Variants in PDGFRL observed in about 807,000 individuals in gnomAD.
PDGFRL encodes the protein platelet derived growth factor receptor like, also known as platelet-derived growth factor receptor-like protein.
Under a neutral mutation model 37.2 loss-of-function variants are expected in PDGFRL, and 46 were observed. The observed-to-expected ratio is 1.24, with a 90% CI of 0.98 to 1.58. The LOEUF is 1.58. PDGFRL is among the 40% of genes most tolerant of loss of function. The pLI, the probability that PDGFRL is intolerant of heterozygous loss-of-function variation, is 0.00. For synonymous variants in PDGFRL, 251 were observed against 184.3 expected (o/e 1.36, Z -2.93); for missense variants, 692 against 467.6 (o/e 1.48, Z -4.43).
intron 2 of PDGFRL, among the ~76,000 whole-genome samples, chr8:17,591,399 C>T (rs900665957): frequency 2.0e-5 from 3 of 152,122 alleles, no homozygotes; most frequent in Non-Finnish European, 4.4e-5. Context: ...AGCATGGGCT[C>T]TGCGTCAGGG....
intron 4 of PDGFRL, among the ~76,000 whole-genome samples, chr8:17,632,419 C>T (rs1585334209): frequency 2.6e-5 from 4 of 151,996 alleles, no homozygotes; most frequent in Admixed American, 1.3e-4. Context: ...CGGCTCACTG[C>T]AACCTCCACC....
intron 2 of PDGFRL, among the ~76,000 whole-genome samples, chr8:17,613,939 C>T (rs1324127053): frequency 6.6e-6 from 1 of 152,096 alleles, no homozygotes; most frequent in East Asian, 1.9e-4. Flanking sequence ...GTAGAGAGAC[C>T]TGAGCCACAT....
At chr8:17,622,054 T>C (rs1804646857) in intron 3 of PDGFRL, among the ~76,000 whole-genome samples, 1 of 152,216 alleles carries the variant, frequency 6.6e-6, no homozygotes, top group Admixed American at 6.5e-5. Flanking sequence ...CTCCAGTCCC[T>C]GTCCCTAAGC....
chr8:17,609,634 T>TAAAAAAAAAAA (rs3040922), intron 2 of PDGFRL, among the ~76,000 whole-genome samples: 2 of 43,544 alleles, frequency 4.6e-5, no homozygotes, highest in Admixed American at 4.5e-4. Context: ...TGAGACTCTG[T>TAAAAAAAAAAA]AAAAAAAAAA....
rs12682097 is a variant in PDGFRL, at chr8:17,623,522, C to G, written c.505+2320C>G. Among the ~76,000 whole-genome samples, 34 of 152,262 alleles carry G rather than the reference C, an allele frequency of 2.2e-4. No homozygotes were observed. In the East Asian group the frequency reaches 5.8e-3, roughly 26 times the overall value. On this transcript the variant is annotated intron_variant, in intron 3 of 5. Transcript: ENST00000251630. ...CAAGATTAGCACTGTTGTGTCTTCCCAAAGTATTGGTCGAGGTTTTGAACT... is the reference window on the plus strand; with the variant it reads ...CAAGATTAGCACTGTTGTGTCTTCCGAAAGTATTGGTCGAGGTTTTGAACT...
intron 5 of PDGFRL, among the ~76,000 whole-genome samples, chr8:17,640,737 G>A (rs6980587): frequency 0.81 from 122,567 of 151,984 alleles, 50,702 homozygotes; most frequent in Non-Finnish European, 0.91. Context: ...TATTGCACTA[G>A]TTTTGTGTTG....
intron 4 of PDGFRL, among the ~76,000 whole-genome samples, chr8:17,632,495 GC>G (rs1444440234): frequency 2.6e-5 from 4 of 152,032 alleles, no homozygotes; most frequent in Non-Finnish European, 5.9e-5. Flanking sequence ...GCGCCACCAT[GC>G]CCAGCTAATT....
intron 2 of PDGFRL, among the ~76,000 whole-genome samples, chr8:17,592,269 C>T (rs1470068930): frequency 6.6e-6 from 1 of 152,254 alleles, no homozygotes; most frequent in African/African-American, 2.4e-5. Context: ...GTTCCCTCTT[C>T]ATAGCACTTG....
intron 3 of PDGFRL, among the ~76,000 whole-genome samples, chr8:17,624,103 T>C (rs28548455): frequency 0.089 from 13,588 of 152,134 alleles, 1,778 homozygotes; most frequent in African/African-American, 0.29. Flanking sequence ...GTTGGATTTT[T>C]ACTATAGGGT....
intron 2 of PDGFRL, among the ~76,000 whole-genome samples, chr8:17,609,636 A>T (rs1804362400): frequency 1.6e-5 from 1 of 61,160 alleles, no homozygotes; most frequent in Admixed American, 1.4e-4. Flanking sequence ...AGACTCTGTA[A>T]AAAAAAAAAA....
intron 2 of PDGFRL, among the ~76,000 whole-genome samples, chr8:17,618,645 C>T (rs1173858166): frequency 6.6e-6 from 1 of 152,172 alleles, no homozygotes; most frequent in Non-Finnish European, 1.5e-5. Flanking sequence ...CAGTTTTCCC[C>T]CTCTGCAAAA....
chr8:17,631,011 C>A (rs1029638368), intron 4 of PDGFRL, among the ~76,000 whole-genome samples: 31 of 152,070 alleles, frequency 2.0e-4, no homozygotes, highest in African/African-American at 6.8e-4. Context: ...CCAGAACATA[C>A]AGTGGAGACA....
chr8:17,627,989 C>CTTTTTTTTTTTTTT (rs35707610), intron 3 of PDGFRL, among the ~76,000 whole-genome samples: 19 of 89,248 alleles, frequency 2.1e-4, no homozygotes, highest in Admixed American at 4.2e-4. Context: ...TTCTTTCTTT[C>CTTTTTTTTTTTTTT]TTTTTTTTTT....
intron 5 of PDGFRL, among the ~76,000 whole-genome samples, chr8:17,641,021 C>T (rs546531512): frequency 6.6e-6 from 1 of 152,142 alleles, no homozygotes; most frequent in East Asian, 1.9e-4. Context: ...TATGGCTGCT[C>T]TGCTGTGTCA....
At chr8:17,600,352 A>G (rs974142242) in intron 2 of PDGFRL, among the ~76,000 whole-genome samples, 3 of 152,022 alleles carry the variant, frequency 2.0e-5, no homozygotes, top group Non-Finnish European at 2.9e-5. Flanking sequence ...CCTCTTCACC[A>G]GCTCTGAATC....
At chr8:17,592,842 C>A (rs1803969050) in intron 2 of PDGFRL, among the ~76,000 whole-genome samples, 1 of 151,920 alleles carries the variant, frequency 6.6e-6, no homozygotes, top group South Asian at 2.1e-4. Flanking sequence ...GAGTGGTTGG[C>A]GGTTAGCTTT....
At chr8:17,631,045 C>T (rs1439540340) in intron 4 of PDGFRL, among the ~76,000 whole-genome samples, 2 of 152,088 alleles carry the variant, frequency 1.3e-5, no homozygotes, top group Non-Finnish European at 1.5e-5. Context: ...CTTTACTTCT[C>T]GAAGTCCCCC....
chr8:17,586,896 G>C (rs1345251578), intron 1 of PDGFRL, among the ~76,000 whole-genome samples: 2 of 152,164 alleles, frequency 1.3e-5, no homozygotes, highest in African/African-American at 4.8e-5. Flanking sequence ...AATGGTTCTT[G>C]AATTTTGCCA....
chr8:17,599,798 G>C (rs1464060221), intron 2 of PDGFRL, among the ~76,000 whole-genome samples: 1 of 152,106 alleles, frequency 6.6e-6, no homozygotes, highest in Non-Finnish European at 1.5e-5. Context: ...AAGTTTCTCT[G>C]ATCATATGTC....
Sources: gnomAD v4.1 joint callset for allele counts (sites outside exome capture counted in the v4.1 genomes callset) on GRCh38, gnomAD v4.1.1 for gene constraint, MANE v1.5 for transcripts, NCBI Gene and HGNC (gene_info 2026-07-23, HGNC 2026-07-21) for gene names.